The following TULP4 variants were observed in gnomAD, a reference collection of about 807,000 sequenced individuals.
TULP4 encodes the protein TUB like protein 4, also known as tubby-related protein 4.
A neutral mutation model predicts 129.0 loss-of-function variants in TULP4; 16 were observed. That is an observed-to-expected ratio of 0.12 (90% CI 0.08 to 0.19). The LOEUF is 0.19. Ranked by LOEUF, TULP4 falls within the 10% of genes least tolerant of loss-of-function variation. The probability of loss-of-function intolerance (pLI) is 1.00; values close to 1 mark genes in which losing one functional copy is unlikely to be tolerated. For synonymous variants in TULP4, 998 were observed against 854.0 expected (o/e 1.17, Z -2.94); for missense variants, 1,842 against 2,059.1 (o/e 0.89, Z 2.04).
intron 6 of TULP4, among the ~76,000 whole-genome samples, chr6:158,464,125 G>A (rs1294883918): frequency 1.3e-5 from 2 of 152,286 alleles, no homozygotes; most frequent in African/African-American, 2.4e-5. Context: ...GGTTTAGTCT[G>A]AGCCAAATAT....
At position 158,420,084 on chromosome 6, in the gene TULP4, G is replaced by T. The variant is rs1778301562; in HGVS notation, c.381+6891G>T. 2.0e-5 allele frequency among the ~76,000 whole-genome samples: 3 copies of T among 152,290 alleles called. No homozygotes were observed. In the South Asian group the frequency reaches 6.2e-4, roughly 32 times the overall value. ...AAGGGTCAGATAGTAAATATTTTAG[G>T]TTTTGTGGACAAGGAGCCAAAATTG... On this transcript the variant is annotated intron_variant, in intron 2 of 13. Transcript: ENST00000367097.
chr6:158,455,467 T>C (rs893843715), intron 5 of TULP4, among the ~76,000 whole-genome samples: 1 of 151,484 alleles, frequency 6.6e-6, no homozygotes. Context: ...CGGGGTACGG[T>C]GGCTCACGCC....
chr6:158,420,631 G>A (rs1206017508), intron 2 of TULP4, among the ~76,000 whole-genome samples: 5 of 148,488 alleles, frequency 3.4e-5, no homozygotes, highest in Admixed American at 2.7e-4. Flanking sequence ...ACAGGCACCC[G>A]CCACTACACC....
At chr6:158,256,605 A>T (rs772520108) in intron 1 of TULP4, among the ~76,000 whole-genome samples, 1 of 152,218 alleles carries the variant, frequency 6.6e-6, no homozygotes, top group African/African-American at 2.4e-5. Flanking sequence ...GTTTTCCTTT[A>T]GATTTGATAT....
chr6:158,490,574 C>T (rs978846635), intron 9 of TULP4, among the ~76,000 whole-genome samples: 34 of 152,226 alleles, frequency 2.2e-4, no homozygotes, highest in African/African-American at 7.9e-4. Context: ...CTGTCCAAAT[C>T]GTAAACACCT....
chr6:158,482,865 G>A (rs559247168), intron 8 of TULP4, among the ~76,000 whole-genome samples: 1 of 152,298 alleles, frequency 6.6e-6, no homozygotes, highest in South Asian at 2.1e-4. Context: ...AGTACCCAAG[G>A]ACTGGGCTTG....
intron 1 of TULP4, among the ~76,000 whole-genome samples, chr6:158,255,930 C>A (rs1318572867): frequency 3.9e-5 from 6 of 152,170 alleles, no homozygotes; most frequent in African/African-American, 1.2e-4. Context: ...AATGCAGAGG[C>A]CTTGGTGGGA....
rs549392677 is a variant in TULP4, at chr6:158,501,616, A to G, written c.2015-62A>G. ...CTGGATGAGTCCAGACGTATTGCTT[A>G]TCCTGATCTGGTTTAATGGCAGTGT... On this transcript the variant is annotated intron_variant, in intron 12 of 13. Transcript: ENST00000367097. 39 of 1,512,260 alleles carry G rather than the reference A, an allele frequency of 2.6e-5. No individual in the cohort carries two copies. The South Asian group carries it at 4.2e-4, about 16-fold the overall frequency. The allele number at this position is 1,512,260 out of a possible 1,614,324, so 93.7% of individuals were successfully genotyped here.
At chr6:158,370,411 C>T (rs1407706188) in intron 1 of TULP4, among the ~76,000 whole-genome samples, 3 of 128,874 alleles carry the variant, frequency 2.3e-5, no homozygotes, top group Non-Finnish European at 4.6e-5. Flanking sequence ...GAGCCAAGAT[C>T]GTGCCATTGC....
chr6:158,287,251 A>T (rs1380562284), intron 1 of TULP4, among the ~76,000 whole-genome samples: 1 of 152,170 alleles, frequency 6.6e-6, no homozygotes, highest in Non-Finnish European at 1.5e-5. Context: ...GGCCAGACAT[A>T]TGCATGTGTA....
intron 1 of TULP4, among the ~76,000 whole-genome samples, chr6:158,298,109 T>C (rs1330302484): frequency 4.6e-5 from 7 of 152,184 alleles, no homozygotes; most frequent in Non-Finnish European, 1.5e-5. Context: ...AAGAAAAATA[T>C]GGCTGTATTC....
chr6:158,347,107 G>A (rs1436705520), intron 1 of TULP4, among the ~76,000 whole-genome samples: 3 of 152,104 alleles, frequency 2.0e-5, no homozygotes, highest in Admixed American at 2.0e-4. Flanking sequence ...TGCACTTTGA[G>A]GATAATTGAT....
chr6:158,422,890 C>T (rs901236296), intron 2 of TULP4, among the ~76,000 whole-genome samples: 1 of 152,220 alleles, frequency 6.6e-6, no homozygotes. Context: ...GCCATGTTGC[C>T]AGGAACACCT....
At chr6:158,338,571 T>C (rs920196732) in intron 1 of TULP4, among the ~76,000 whole-genome samples, 4 of 152,182 alleles carry the variant, frequency 2.6e-5, no homozygotes, top group African/African-American at 9.7e-5. Context: ...CCTGTATCCT[T>C]TGCGGAATTT....
intron 6 of TULP4, among the ~76,000 whole-genome samples, chr6:158,475,220 G>C (rs1236155125): frequency 1.3e-5 from 2 of 152,198 alleles, no homozygotes; most frequent in African/African-American, 4.8e-5. Flanking sequence ...TCAGCATTGA[G>C]GGGGAGAAGC....
intron 1 of TULP4, among the ~76,000 whole-genome samples, chr6:158,254,684 G>A (rs1308831471): frequency 6.6e-6 from 1 of 152,180 alleles, no homozygotes; most frequent in Non-Finnish European, 1.5e-5. Context: ...ACATATTTTT[G>A]TATTTTATGA....
chr6:158,493,131 G>T lies in TULP4; in HGVS notation c.1632-442G>T, dbSNP rs1245836155. Among the ~76,000 whole-genome samples the T allele has an allele frequency of 6.6e-6, 1 of 152,230 alleles. No individual in the cohort carries two copies. The highest frequency in any genetic ancestry group is 2.4e-5 in the African/African-American group (1 of 41,454). ...CCAAGGCAACAGAGAGTGAAAGACA[G>T]TTAATTCTTTGAGTTCCTTACAAAT... On this transcript the variant is annotated intron_variant, in intron 9 of 13. Coordinates refer to ENST00000367097, the MANE Select transcript of TULP4 (RefSeq NM_020245.5). This position sits in a 1 kb window ranked among gnomAD's most constrained non-coding sequence, Gnocchi z 4.4.
At chr6:158,338,720 A>G (rs572953134) in intron 1 of TULP4, among the ~76,000 whole-genome samples, 3 of 152,322 alleles carry the variant, frequency 2.0e-5, no homozygotes, top group African/African-American at 7.2e-5. Context: ...CTAAATTACT[A>G]CTTTGGGGTA....
chr6:158,350,810 G>A (rs1003139345), intron 1 of TULP4, among the ~76,000 whole-genome samples: 23 of 151,840 alleles, frequency 1.5e-4, no homozygotes, highest in Non-Finnish European at 2.1e-4. Flanking sequence ...GCCCAGGCTG[G>A]AGTGAAGTGG....
Sources: gnomAD v4.1 joint callset for allele counts (sites outside exome capture counted in the v4.1 genomes callset) on GRCh38, gnomAD v4.1.1 for gene constraint, Gnocchi (gnomAD v3.1) non-coding constraint, MANE v1.5 for transcripts, NCBI Gene and HGNC (gene_info 2026-07-23, HGNC 2026-07-21) for gene names.